The following RPRD2 variants were observed in gnomAD, a reference collection of about 807,000 sequenced individuals.
The protein encoded by RPRD2 is regulation of nuclear pre-mRNA domain-containing protein 2.
A neutral mutation model predicts 104.4 loss-of-function variants in RPRD2; 12 were observed. The ratio of observed to expected loss-of-function variants is 0.11; its 90% CI spans 0.07 to 0.19. RPRD2 has a LOEUF of 0.19. Among genes scored for constraint, RPRD2 ranks in the 10% least tolerant of loss-of-function variants. The pLI, the probability that RPRD2 is intolerant of heterozygous loss-of-function variation, is 1.00. For synonymous variants in RPRD2, 714 were observed against 684.9 expected, an observed-to-expected ratio of 1.04 and a Z score of -0.66; for missense variants, 1,543 against 1,790.1, an observed-to-expected ratio of 0.86 and a Z score of 2.49.
intron 1 of RPRD2, among the ~76,000 whole-genome samples, chr1:150,376,690 A>C (rs587668328): frequency 1.1e-3 from 165 of 151,094 alleles, no homozygotes; most frequent in East Asian, 6.8e-3. Context: ...TTAGTAGAGA[A>C]GGGGTTTCAC....
At chr1:150,402,982 C>CA (rs1426102519) in intron 1 of RPRD2, among the ~76,000 whole-genome samples, 2 of 150,346 alleles carry the variant, frequency 1.3e-5, no homozygotes, top group Admixed American at 6.6e-5. Flanking sequence ...AAAACAAAAA[C>CA]AAAAAAGATC....
At chr1:150,441,670 TA>T in intron 3 of RPRD2, 1 of 434,378 alleles carries the variant, frequency 2.3e-6, no homozygotes, top group East Asian at 3.8e-5. Context: ...TCAGAATTGG[TA>T]ATTTCGCTGA....
chr1:150,426,918 G>A (rs1553890642), intron 2 of RPRD2, among the ~76,000 whole-genome samples: 1 of 152,070 alleles, frequency 6.6e-6, no homozygotes, highest in African/African-American at 2.4e-5. Context: ...AGGCCAAGGC[G>A]AGTGGATCAT....
At chr1:150,446,995 C>T (rs1056042973) in intron 7 of RPRD2, among the ~76,000 whole-genome samples, 1 of 152,042 alleles carries the variant, frequency 6.6e-6, no homozygotes, top group Non-Finnish European at 1.5e-5. Context: ...CACCACCATG[C>T]CCAGCTAATT....
chr1:150,396,538 T>TA (rs1199686154), intron 1 of RPRD2, among the ~76,000 whole-genome samples: 2 of 152,210 alleles, frequency 1.3e-5, no homozygotes, highest in Non-Finnish European at 2.9e-5. Context: ...TTGTTTAAGG[T>TA]AAGAGATGAG....
chr1:150,391,384 G>T (rs953722138), intron 1 of RPRD2, among the ~76,000 whole-genome samples: 6 of 152,048 alleles, frequency 3.9e-5, no homozygotes, highest in Non-Finnish European at 7.4e-5. Context: ...AAACTCCTGG[G>T]CTCAAGTGAT....
intron 7 of RPRD2, among the ~76,000 whole-genome samples, chr1:150,456,561 A>C (rs1667536703): frequency 6.6e-6 from 1 of 151,746 alleles, no homozygotes; most frequent in African/African-American, 2.4e-5. Context: ...TGAGCCGAGG[A>C]GTTCAAGACT....
At chr1:150,465,285 T>C (rs1293899949) in intron 10 of RPRD2, among the ~76,000 whole-genome samples, 1 of 152,072 alleles carries the variant, frequency 6.6e-6, no homozygotes, top group Non-Finnish European at 1.5e-5. Context: ...ATCCAGCTAA[T>C]TTTTGTATTT....
In RPRD2 at chr1:150,473,016, C is replaced by T; in HGVS notation, c.4068C>T (p.Asp1356=). Reference sequence around the variant, plus strand: ...ACCACGGGGGCCCCACCCAACGGGACCTCAACGGCCCTGGCCTTAGCCGTG... The same window carrying T: ...ACCACGGGGGCCCCACCCAACGGGATCTCAACGGCCCTGGCCTTAGCCGTG... The part of the protein sequence containing the change: ...PRDHGGPTQR[D]LNGPGLSRVR... Residue 1356 remains aspartate, a synonymous_variant, in exon 11 of 11, where the codon GAC becomes GAT. Transcript: ENST00000369068. The T allele has an allele frequency of 6.2e-7, 1 of 1,614,004 alleles. No individual in the cohort carries two copies. The highest frequency in any genetic ancestry group is 8.5e-7 in the Non-Finnish European group (1 of 1,179,894).
At chr1:150,399,163 C>T (rs1371254872) in intron 1 of RPRD2, among the ~76,000 whole-genome samples, 5 of 151,874 alleles carry the variant, frequency 3.3e-5, no homozygotes, top group Admixed American at 3.3e-4. Context: ...CTCCTCACCT[C>T]GGTTATCTTT....
At chr1:150,377,680 T>C (rs1660822727) in intron 1 of RPRD2, among the ~76,000 whole-genome samples, 1 of 152,102 alleles carries the variant, frequency 6.6e-6, no homozygotes, top group Non-Finnish European at 1.5e-5. Flanking sequence ...AATATGAGTT[T>C]TATATGCTCT....
rs1664429065 is a variant in RPRD2 at position 150,417,462 on chromosome 1, A to G, written c.206-134A>G. The G allele has an allele frequency of 4.6e-6, 3 of 645,278 alleles. No homozygotes were observed. In the South Asian group the frequency reaches 1.0e-4, roughly 22 times the overall value. 40.0% of individuals were successfully genotyped at this position (645,278 alleles called of 1,614,324 possible). A position where few individuals can be genotyped will look rare whatever the true frequency, so the allele number is the denominator to read the frequency against. On this transcript the variant is annotated intron_variant, in intron 1 of 10. Coordinates refer to ENST00000369068, the MANE Select transcript of RPRD2 (RefSeq NM_015203.5). Reference sequence around the variant, plus strand: ...CTTCCTCCCTTCCATCCATGTAATTACATTCATCTTTTTATATCCATGTAA... The same window carrying G: ...CTTCCTCCCTTCCATCCATGTAATTGCATTCATCTTTTTATATCCATGTAA...
At chr1:150,396,377 C>T (rs982372272) in intron 1 of RPRD2, among the ~76,000 whole-genome samples, 1 of 151,974 alleles carries the variant, frequency 6.6e-6, no homozygotes, top group Non-Finnish European at 1.5e-5. Context: ...AGCTTTATAT[C>T]TTTGTTTTTA....
chr1:150,452,855 TG>T (rs1667288870), intron 7 of RPRD2, among the ~76,000 whole-genome samples: 1 of 151,184 alleles, frequency 6.6e-6, no homozygotes, highest in African/African-American at 2.4e-5. Context: ...TTTTTAACAG[TG>T]ATGGGGTTTC....
At chr1:150,369,623 A>ATTTTTTTT (rs61016870) in intron 1 of RPRD2, among the ~76,000 whole-genome samples, 2,714 of 68,646 alleles carry the variant, frequency 0.04, 274 homozygotes, top group African/African-American at 0.12. Flanking sequence ...CGCCCAGCTA[A>ATTTTTTTT]TTTTTTTTTT....
At chr1:150,449,246 C>T (rs1210063223) in intron 7 of RPRD2, among the ~76,000 whole-genome samples, 1 of 152,084 alleles carries the variant, frequency 6.6e-6, no homozygotes, top group Non-Finnish European at 1.5e-5. Flanking sequence ...AGTAAATTTC[C>T]TTCTAAGTTG....
At chr1:150,466,700 C>T (rs2102431802) in intron 10 of RPRD2, among the ~76,000 whole-genome samples, 1 of 151,988 alleles carries the variant, frequency 6.6e-6, no homozygotes, top group East Asian at 1.9e-4. Context: ...TCTCATTTGA[C>T]CCTTTCTGTT....
intron 2 of RPRD2, among the ~76,000 whole-genome samples, chr1:150,432,628 TAA>T (rs34187447): frequency 1.2e-4 from 14 of 113,446 alleles, no homozygotes; most frequent in East Asian, 2.8e-4. Context: ...AAGAAAATGA[TAA>T]AAAAAAAAAA....
intron 1 of RPRD2, among the ~76,000 whole-genome samples, chr1:150,395,622 C>T (rs1553884064): frequency 6.6e-6 from 1 of 150,442 alleles, no homozygotes; most frequent in African/African-American, 2.4e-5. Flanking sequence ...AGCAGTTCTG[C>T]TGCTCAGCCT....
Sources: allele counts gnomAD v4.1 joint callset (sites outside exome capture counted in the v4.1 genomes callset), GRCh38; gene constraint gnomAD v4.1.1; transcripts MANE v1.5; gene names NCBI Gene and HGNC (gene_info 2026-07-23, HGNC 2026-07-21).